SGCD: variants seen among roughly 807,000 people sequenced by gnomAD.
SGCD encodes sarcoglycan delta.
SGCD carries 18 observed loss-of-function variants against 36.6 expected under a neutral mutation model. The ratio of observed to expected loss-of-function variants is 0.49; its 90% CI spans 0.34 to 0.73. SGCD has a LOEUF of 0.73. SGCD is among the 30% of genes least tolerant of loss of function. The pLI, the probability that SGCD is intolerant of heterozygous loss-of-function variation, is 0.01. For synonymous variants in SGCD, 133 were observed against 130.6 expected (o/e 1.02, Z -0.12); for missense variants, 387 against 346.7 (o/e 1.12, Z -0.92).
At chr5:155,985,677 G>C (rs928138341) in intron 1 of SGCD, among the ~76,000 whole-genome samples, 4 of 152,164 alleles carry the variant, frequency 2.6e-5, no homozygotes, top group Admixed American at 1.3e-4. Flanking sequence ...TGCAGATGTC[G>C]CAGAATTTGG....
intron 3 of SGCD, among the ~76,000 whole-genome samples, chr5:156,255,390 T>G (rs1765689950): frequency 6.6e-6 from 1 of 152,212 alleles, no homozygotes; most frequent in Non-Finnish European, 1.5e-5. Flanking sequence ...TAATTTTCTT[T>G]CTTATAATGT....
At chr5:156,436,813 A>G (rs1164779874) in intron 3 of SGCD, among the ~76,000 whole-genome samples, 1 of 152,184 alleles carries the variant, frequency 6.6e-6, no homozygotes, top group African/African-American at 2.4e-5. Context: ...GATAGTTGAC[A>G]TGTAACCACC....
At chr5:156,717,487 C>T (rs574218017) in intron 7 of SGCD, among the ~76,000 whole-genome samples, 6 of 152,296 alleles carry the variant, frequency 3.9e-5, no homozygotes, top group Admixed American at 2.0e-4. Context: ...TTTGAGTTAA[C>T]AATATCTTTA....
the SGCD span, among the ~76,000 whole-genome samples, chr5:155,744,326 A>G: frequency 6.6e-6 from 1 of 152,038 alleles, no homozygotes; most frequent in African/African-American, 2.4e-5. Flanking sequence ...CAGGTGTGGT[A>G]GCGCATGCCT....
intron 1 of SGCD, among the ~76,000 whole-genome samples, chr5:156,070,151 G>A (rs1760496958): frequency 6.7e-6 from 1 of 149,044 alleles, no homozygotes; most frequent in African/African-American, 2.6e-5. Context: ...GCCCTGGCCA[G>A]AACTTCCAAC....
intron 1 of SGCD, among the ~76,000 whole-genome samples, chr5:156,116,302 C>T (rs967328981): frequency 5.9e-5 from 9 of 151,812 alleles, no homozygotes; most frequent in African/African-American, 2.2e-4. Flanking sequence ...AGTTATTATT[C>T]TTGGTGATGC....
chr5:156,104,006 T>G (rs1214129369), intron 1 of SGCD, among the ~76,000 whole-genome samples: 1 of 152,114 alleles, frequency 6.6e-6, no homozygotes, highest in African/African-American at 2.4e-5. Context: ...TATAAAAACT[T>G]GCTTAAAATA....
chr5:156,239,511 C>T (rs1274215855), intron 3 of SGCD, among the ~76,000 whole-genome samples: 1 of 151,004 alleles, frequency 6.6e-6, no homozygotes, highest in Non-Finnish European at 1.5e-5. Context: ...TAGTATGAAA[C>T]CAAATAATCT....
rs369796292 is a variant in SGCD at position 156,738,960 on chromosome 5, A to G, written c.576-18621A>G. On this transcript the variant is annotated intron_variant, in intron 7 of 8. Transcript: ENST00000337851. Reference sequence around the variant, plus strand: ...ATCCTGAGTCTGAAGCTCAAGCTTTAAAGAAATATCCTACATTCCCTTCTA... The same window carrying G: ...ATCCTGAGTCTGAAGCTCAAGCTTTGAAGAAATATCCTACATTCCCTTCTA... 2.6e-5 allele frequency among the ~76,000 whole-genome samples: 4 copies of G among 152,246 alleles called. No homozygotes were observed. The East Asian group carries it at 5.8e-4, about 22-fold the overall frequency.
At chr5:156,627,284 G>A (rs922237382) in intron 6 of SGCD, among the ~76,000 whole-genome samples, 1 of 152,144 alleles carries the variant, frequency 6.6e-6, no homozygotes, top group African/African-American at 2.4e-5. Flanking sequence ...TGGGCCTATT[G>A]ATTTGTTAGT....
At chr5:156,190,596 T>G (rs1763866248) in intron 3 of SGCD, among the ~76,000 whole-genome samples, 1 of 152,132 alleles carries the variant, frequency 6.6e-6, no homozygotes, top group Non-Finnish European at 1.5e-5. Flanking sequence ...TGGCATACAT[T>G]AGTGAATAAA....
chr5:156,090,680 A>G (rs1761217301), intron 1 of SGCD, among the ~76,000 whole-genome samples: 1 of 152,214 alleles, frequency 6.6e-6, no homozygotes, highest in Non-Finnish European at 1.5e-5. Context: ...TCCCAATCCT[A>G]GTAAGCCTGA....
intron 7 of SGCD, among the ~76,000 whole-genome samples, chr5:156,740,782 GATTTA>G (rs1315361537): frequency 6.6e-6 from 1 of 152,148 alleles, no homozygotes; most frequent in Non-Finnish European, 1.5e-5. Flanking sequence ...CTGGCATTCC[GATTTA>G]ATTTGTGTGG....
chr5:156,340,335 C>T (rs757011035), intron 2 of SGCD, among the ~76,000 whole-genome samples: 22 of 152,134 alleles, frequency 1.4e-4, no homozygotes, highest in Non-Finnish European at 2.4e-4. Context: ...TGGTGCTGAC[C>T]ATTGTAGGTC....
At chr5:155,841,570 TTGG>T in the SGCD span, among the ~76,000 whole-genome samples, 15 of 152,112 alleles carry the variant, frequency 9.9e-5, no homozygotes, top group Non-Finnish European at 1.8e-4. Flanking sequence ...TTTGGGGGGG[TTGG>T]TGGTCTTTTT....
intron 1 of SGCD, among the ~76,000 whole-genome samples, chr5:155,918,520 G>A (rs1434174044): frequency 6.6e-6 from 1 of 152,168 alleles, no homozygotes; most frequent in Non-Finnish European, 1.5e-5. Flanking sequence ...CTGAGATCGC[G>A]CCATTGCACT....
At chr5:156,445,693 A>T (rs1753728733) in intron 3 of SGCD, among the ~76,000 whole-genome samples, 1 of 152,164 alleles carries the variant, frequency 6.6e-6, no homozygotes, top group African/African-American at 2.4e-5. Flanking sequence ...ACAAAATGAC[A>T]TCATAACAGT....
intron 7 of SGCD, among the ~76,000 whole-genome samples, chr5:156,727,467 A>G (rs17053865): frequency 0.057 from 8,629 of 152,308 alleles, 300 homozygotes; most frequent in African/African-American, 0.089. Flanking sequence ...TTGGAGATAG[A>G]CCAAGTACTA....
chr5:155,997,476 G>T (rs1057457409), intron 1 of SGCD, among the ~76,000 whole-genome samples: 3 of 152,184 alleles, frequency 2.0e-5, no homozygotes, highest in Non-Finnish European at 4.4e-5. Context: ...AGAGGAATTC[G>T]AATAATGATC....
Sources: gnomAD v4.1 joint callset for allele counts (sites outside exome capture counted in the v4.1 genomes callset) on GRCh38, gnomAD v4.1.1 for gene constraint, MANE v1.5 for transcripts, NCBI Gene and HGNC (gene_info 2026-07-23, HGNC 2026-07-21) for gene names.